ADAMTSL1: variants seen among roughly 807,000 people sequenced by gnomAD.
ADAMTSL1 encodes the protein ADAMTS like 1.
ADAMTSL1 carries 126 observed loss-of-function variants against 201.8 expected under a neutral mutation model. That is an observed-to-expected ratio of 0.62 (90% CI 0.54 to 0.72). The LOEUF (loss-of-function observed/expected upper bound fraction) is 0.72, where lower values mean the gene tolerates loss of function less well. Among genes scored for constraint, ADAMTSL1 ranks in the 30% least tolerant of loss-of-function variants. The pLI is 0.00. For synonymous variants in ADAMTSL1, 1,121 were observed against 903.4 expected, an observed-to-expected ratio of 1.24 and a Z score of -4.32; for missense variants, 2,679 against 2,277.8, an observed-to-expected ratio of 1.18 and a Z score of -3.59.
intron 2 of ADAMTSL1, among the ~76,000 whole-genome samples, chr9:18,196,897 C>T (rs530069241): frequency 6.6e-6 from 1 of 152,186 alleles, no homozygotes; most frequent in Non-Finnish European, 1.5e-5. Context: ...GCACAAGTGT[C>T]CCCTCCTCAA....
At chr9:18,549,322 C>G (rs1326133523) in intron 3 of ADAMTSL1, among the ~76,000 whole-genome samples, 1 of 151,962 alleles carries the variant, frequency 6.6e-6, no homozygotes, top group Non-Finnish European at 1.5e-5. Flanking sequence ...TTAATGTCTT[C>G]AAAATATGAA....
intron 2 of ADAMTSL1, among the ~76,000 whole-genome samples, chr9:18,461,402 T>C (rs966783293): frequency 6.6e-6 from 1 of 152,108 alleles, no homozygotes; most frequent in Non-Finnish European, 1.5e-5. Context: ...GGTTTACACA[T>C]GTTTGAAATA....
At chr9:18,762,255 A>T (rs1339553073) in intron 16 of ADAMTSL1, among the ~76,000 whole-genome samples, 3 of 152,182 alleles carry the variant, frequency 2.0e-5, no homozygotes, top group African/African-American at 7.2e-5. Flanking sequence ...TAGAAGAGAT[A>T]AGATACCCTT....
At chr9:18,305,668 C>G (rs1202189779) in intron 2 of ADAMTSL1, among the ~76,000 whole-genome samples, 1 of 152,214 alleles carries the variant, frequency 6.6e-6, no homozygotes, top group Non-Finnish European at 1.5e-5. Flanking sequence ...TTCCTCCTCT[C>G]TGGTAAAGGC....
intron 2 of ADAMTSL1, among the ~76,000 whole-genome samples, chr9:18,323,140 A>C (rs539436933): frequency 6.6e-6 from 1 of 152,324 alleles, no homozygotes; most frequent in South Asian, 2.1e-4. Context: ...ATTCTCTAAC[A>C]ATGTGTTATA....
intron 16 of ADAMTSL1, among the ~76,000 whole-genome samples, chr9:18,761,020 C>G (rs922426867): frequency 7.9e-5 from 12 of 152,186 alleles, no homozygotes; most frequent in Non-Finnish European, 1.2e-4. Context: ...TATAAATCCC[C>G]AGCATCCAAT....
chr9:18,761,414 C>G (rs767576071), intron 16 of ADAMTSL1, among the ~76,000 whole-genome samples: 2 of 152,056 alleles, frequency 1.3e-5, no homozygotes, highest in African/African-American at 2.4e-5. Flanking sequence ...TCTTATAAAA[C>G]GAACCCATGA....
At chr9:18,379,694 G>A (rs1456882925) in intron 2 of ADAMTSL1, among the ~76,000 whole-genome samples, 3 of 152,132 alleles carry the variant, frequency 2.0e-5, no homozygotes, top group Non-Finnish European at 4.4e-5. Flanking sequence ...AGAAAAACTG[G>A]TTTTATACCG....
chr9:18,510,213 G>A (rs778786453), intron 2 of ADAMTSL1, among the ~76,000 whole-genome samples: 1 of 152,088 alleles, frequency 6.6e-6, no homozygotes. Flanking sequence ...TGTAAAGGGA[G>A]GTAGATTACT....
At chr9:18,648,946 T>C (rs866686867) in intron 7 of ADAMTSL1, among the ~76,000 whole-genome samples, 2 of 152,206 alleles carry the variant, frequency 1.3e-5, no homozygotes, top group Admixed American at 6.5e-5. Context: ...CCTTGCTAGA[T>C]TGGGGAAGTT....
Position 18,571,091 on chromosome 9 carries a change from AG to A in ADAMTSL1, c.238-2937del, listed in dbSNP as rs1477886097. On this transcript the variant is annotated intron_variant, in intron 3 of 28. Transcript: ENST00000380548. Reference sequence around the variant, plus strand: ...CTTTAGGTCCTATTTTTCTTAGGAAAGGTGGAAAGAACCAACACAATTTATT... The same window carrying A: ...CTTTAGGTCCTATTTTTCTTAGGAAAGTGGAAAGAACCAACACAATTTATT... 2.0e-5 allele frequency among the ~76,000 whole-genome samples: 3 copies of A among 152,214 alleles called. No individual in the cohort carries two copies. In the East Asian group the frequency reaches 5.8e-4, roughly 29 times the overall value.
chr9:18,229,466 C>G (rs897164490), intron 2 of ADAMTSL1, among the ~76,000 whole-genome samples: 2 of 151,494 alleles, frequency 1.3e-5, no homozygotes, highest in African/African-American at 4.9e-5. Flanking sequence ...TAGATGGAGA[C>G]AGATTTTAGG....
At chr9:18,851,699 C>G (rs1015218322) in intron 23 of ADAMTSL1, among the ~76,000 whole-genome samples, 1 of 152,068 alleles carries the variant, frequency 6.6e-6, no homozygotes, top group Non-Finnish European at 1.5e-5. Context: ...GGTGGGCTGT[C>G]AGCATGAGCA....
At chr9:17,934,636 T>G (rs1038153975) in intron 1 of ADAMTSL1, among the ~76,000 whole-genome samples, 1 of 152,120 alleles carries the variant, frequency 6.6e-6, no homozygotes, top group Non-Finnish European at 1.5e-5. Flanking sequence ...TTTTCTTTCA[T>G]CAGACCTGCC....
chr9:18,881,562 T>C (rs1490159095), intron 23 of ADAMTSL1, among the ~76,000 whole-genome samples: 1 of 152,142 alleles, frequency 6.6e-6, no homozygotes, highest in Non-Finnish European at 1.5e-5. Flanking sequence ...ACAATTACAA[T>C]AGTAACATCA....
At chr9:18,032,885 C>G (rs181104640) in intron 1 of ADAMTSL1, among the ~76,000 whole-genome samples, 2 of 116,950 alleles carry the variant, frequency 1.7e-5, no homozygotes, top group East Asian at 5.0e-4. Flanking sequence ...TGCTCAGTGA[C>G]TCTGTGTGGG....
intron 4 of ADAMTSL1, among the ~76,000 whole-genome samples, chr9:18,602,984 AT>A (rs1824757509): frequency 6.6e-6 from 1 of 152,194 alleles, no homozygotes. Context: ...GAGGTAAAAA[AT>A]GAGGTAAATA....
chr9:18,103,582 C>T (rs533450403), intron 1 of ADAMTSL1, among the ~76,000 whole-genome samples: 1 of 152,082 alleles, frequency 6.6e-6, no homozygotes, highest in South Asian at 2.1e-4. Flanking sequence ...ATATGCTCTG[C>T]TTGAACAAGT....
At position 18,688,932 on chromosome 9, in the gene ADAMTSL1, A is replaced by G. The variant is rs1459033139; in HGVS notation, c.1574+4132A>G. On this transcript the variant is annotated intron_variant, in intron 13 of 28. Coordinates refer to ENST00000380548, the MANE Select transcript of ADAMTSL1 (RefSeq NM_001040272.6). ...AGGGGGGATGGGAAAAATACTGATA[A>G]AATTATCTTCTGTTAAAGTTCAAAC... 2.0e-5 allele frequency among the ~76,000 whole-genome samples: 3 copies of G among 151,404 alleles called. No individual in the cohort carries two copies. The East Asian group carries it at 5.8e-4, about 29-fold the overall frequency.
Sources: allele counts gnomAD v4.1 joint callset (sites outside exome capture counted in the v4.1 genomes callset), GRCh38; gene constraint gnomAD v4.1.1; transcripts MANE v1.5; gene names NCBI Gene and HGNC (gene_info 2026-07-23, HGNC 2026-07-21).